The following DPP6 variants were observed in gnomAD, a reference collection of about 807,000 sequenced individuals.
DPP6 encodes dipeptidyl peptidase like 6.
In DPP6, 69 loss-of-function variants were observed where a neutral mutation model predicts 122.6. That is an observed-to-expected ratio of 0.56 (90% CI 0.46 to 0.69). The LOEUF is 0.69. DPP6 is among the 30% of genes least tolerant of loss of function. DPP6 has a pLI of 0.00. For synonymous variants in DPP6, 418 were observed against 433.1 expected (o/e 0.97, Z 0.43); for missense variants, 928 against 1,116.9 (o/e 0.83, Z 2.41).
intron 1 of DPP6, among the ~76,000 whole-genome samples, chr7:154,123,868 T>C (rs1807682708): frequency 6.8e-6 from 1 of 147,142 alleles, no homozygotes; most frequent in East Asian, 2.0e-4. Context: ...ACACTCACTA[T>C]GATTACCTGG....
intron 5 of DPP6, among the ~76,000 whole-genome samples, chr7:154,608,870 G>A (rs1455025463): frequency 1.3e-5 from 2 of 152,142 alleles, no homozygotes; most frequent in African/African-American, 4.8e-5. Flanking sequence ...GTGAATATCT[G>A]TGACTGATAA....
At chr7:154,516,884 A>T (rs1826558448) in intron 3 of DPP6, among the ~76,000 whole-genome samples, 1 of 152,208 alleles carries the variant, frequency 6.6e-6, no homozygotes, top group Non-Finnish European at 1.5e-5. Flanking sequence ...TGCCTTGGCA[A>T]CACGGACCAA....
At chr7:154,628,884 G>A (rs983458906) in intron 5 of DPP6, among the ~76,000 whole-genome samples, 3 of 152,188 alleles carry the variant, frequency 2.0e-5, no homozygotes, top group Non-Finnish European at 4.4e-5. Context: ...GGCAATTCGC[G>A]AAGTATTTCT....
chr7:153,986,589 T>C (rs2533619), intron 1 of DPP6, among the ~76,000 whole-genome samples: 10 of 152,226 alleles, frequency 6.6e-5, no homozygotes, highest in Non-Finnish European at 7.3e-5. Flanking sequence ...AAAATCCTGC[T>C]GGGATTGAGC....
At chr7:153,865,488 C>A in the DPP6 span, among the ~76,000 whole-genome samples, 1 of 152,072 alleles carries the variant, frequency 6.6e-6, no homozygotes, top group East Asian at 1.9e-4. Flanking sequence ...ATAACTACAG[C>A]TTGGGGTTTT....
chr7:154,321,784 CAAAAAAAAAAAA>C (rs1180440495), intron 1 of DPP6, among the ~76,000 whole-genome samples: 2 of 63,032 alleles, frequency 3.2e-5, no homozygotes, highest in East Asian at 5.4e-4. Flanking sequence ...GACTCTGTCT[CAAAAAAAAAAAA>C]AAAAAAAAAG....
chr7:154,367,702 C>G (rs180721919), intron 1 of DPP6, among the ~76,000 whole-genome samples: 5 of 152,268 alleles, frequency 3.3e-5, no homozygotes, highest in Admixed American at 3.3e-4. Context: ...GAAGAGGAAA[C>G]AATTAGAAAT....
chr7:154,514,136 C>T (rs1826305607), intron 3 of DPP6, among the ~76,000 whole-genome samples: 1 of 151,982 alleles, frequency 6.6e-6, no homozygotes, highest in South Asian at 2.1e-4. Context: ...ATTAGGCAGG[C>T]ATGGTGGTGG....
intron 1 of DPP6, among the ~76,000 whole-genome samples, chr7:153,998,242 A>C (rs543006159): frequency 6.6e-6 from 1 of 152,304 alleles, no homozygotes; most frequent in South Asian, 2.1e-4. Context: ...GAAACTGCCA[A>C]AAATATTTAA....
At chr7:153,842,377 A>G in the DPP6 span, among the ~76,000 whole-genome samples, 1 of 152,170 alleles carries the variant, frequency 6.6e-6, no homozygotes, top group Non-Finnish European at 1.5e-5. Flanking sequence ...TAATTAATAT[A>G]TCAACTGTTA....
At chr7:154,378,987 G>A (rs974332971) in intron 1 of DPP6, among the ~76,000 whole-genome samples, 3 of 152,136 alleles carry the variant, frequency 2.0e-5, no homozygotes, top group Admixed American at 1.3e-4. Flanking sequence ...CTCCCTCAAC[G>A]TGTGGGGATT....
chr7:154,087,203 C>G lies in DPP6; in HGVS notation c.243+34140C>G, dbSNP rs1362498008. 4.0e-5 allele frequency among the ~76,000 whole-genome samples: 6 copies of G among 151,870 alleles called. No individual in the cohort carries two copies. In the South Asian group the frequency reaches 1.2e-3, roughly 32 times the overall value. On this transcript the variant is annotated intron_variant, in intron 1 of 25. Transcript: ENST00000377770. ...ACAGGAGGGAGTGTCACGGGGCTGACAGAATGCCCACTTGGCTGGCACACA... is the reference window on the plus strand; with the variant it reads ...ACAGGAGGGAGTGTCACGGGGCTGAGAGAATGCCCACTTGGCTGGCACACA...
chr7:154,734,376 A>T (rs1842481333), intron 8 of DPP6, among the ~76,000 whole-genome samples: 1 of 152,136 alleles, frequency 6.6e-6, no homozygotes, highest in Non-Finnish European at 1.5e-5. Flanking sequence ...GGGTTCTGCA[A>T]ATATTAACTG....
At chr7:154,369,162 C>A (rs1812431915) in intron 1 of DPP6, among the ~76,000 whole-genome samples, 1 of 152,168 alleles carries the variant, frequency 6.6e-6, no homozygotes, top group Admixed American at 6.5e-5. Flanking sequence ...ATGGCCCGAT[C>A]TCTGCCCACT....
chr7:153,963,629 C>G (rs963950570), intron 1 of DPP6, among the ~76,000 whole-genome samples: 6 of 152,074 alleles, frequency 3.9e-5, no homozygotes, highest in African/African-American at 1.4e-4. Context: ...CCAAGCCCCA[C>G]CTCCTGTCAG....
chr7:153,844,052 T>C, the DPP6 span, among the ~76,000 whole-genome samples: 1 of 152,158 alleles, frequency 6.6e-6, no homozygotes, highest in Non-Finnish European at 1.5e-5. Flanking sequence ...GAACATCTGC[T>C]TTTCTGGGAT....
At chr7:154,521,108 A>C (rs1826938351) in intron 3 of DPP6, among the ~76,000 whole-genome samples, 1 of 152,196 alleles carries the variant, frequency 6.6e-6, no homozygotes, top group Admixed American at 6.5e-5. Context: ...TTTATATAAC[A>C]GCTAATCATA....
At chr7:154,506,402 T>C (rs1348696029) in intron 3 of DPP6, among the ~76,000 whole-genome samples, 1 of 152,180 alleles carries the variant, frequency 6.6e-6, no homozygotes, top group Non-Finnish European at 1.5e-5. Context: ...CTATTGAATA[T>C]ATAGAAACCC....
chr7:154,042,923 C>T (rs1281718337), intron 1 of DPP6, among the ~76,000 whole-genome samples: 1 of 152,160 alleles, frequency 6.6e-6, no homozygotes, highest in African/African-American at 2.4e-5. Flanking sequence ...TTGAGATGCT[C>T]TATGCATTGG....
Sources: gnomAD v4.1 joint callset for allele counts (sites outside exome capture counted in the v4.1 genomes callset) on GRCh38, gnomAD v4.1.1 for gene constraint, MANE v1.5 for transcripts, NCBI Gene and HGNC (gene_info 2026-07-23, HGNC 2026-07-21) for gene names.